Variants in TYR observed in about 807,000 individuals in gnomAD.
TYR encodes the protein LB24-AB.
A neutral mutation model predicts 51.5 loss-of-function variants in TYR; 58 were observed. The observed-to-expected ratio is 1.13, with a 90% confidence interval of 0.91 to 1.40. The LOEUF (loss-of-function observed/expected upper bound fraction) is 1.40. Among genes scored for constraint, TYR ranks in the 40% most tolerant of loss-of-function variants. TYR has a pLI of 0.00. For missense variants in TYR, 732 were observed against 647.4 expected, an observed-to-expected ratio of 1.13 and a Z score of -1.42; for synonymous variants, 263 against 235.2, an observed-to-expected ratio of 1.12 and a Z score of -1.08.
intron 2 of TYR, among the ~76,000 whole-genome samples, chr11:89,194,183 A>G (rs1943485585): frequency 6.6e-6 from 1 of 152,130 alleles, no homozygotes; most frequent in African/African-American, 2.4e-5. Flanking sequence ...AACCTTGTAC[A>G]TATGTGTCTT....
intron 3 of TYR, among the ~76,000 whole-genome samples, chr11:89,253,390 A>G (rs768419744): frequency 6.6e-6 from 1 of 151,642 alleles, no homozygotes; most frequent in Non-Finnish European, 1.5e-5. Context: ...AAGTATTGGT[A>G]TCTAGGTAAT....
intron 4 of TYR, among the ~76,000 whole-genome samples, chr11:89,285,214 A>G (rs551089235): frequency 6.6e-6 from 1 of 151,868 alleles, no homozygotes; most frequent in East Asian, 2.0e-4. Flanking sequence ...AGAAGAAGAA[A>G]AAAAAAGGTT....
chr11:89,250,434 C>G (rs1223391841), intron 3 of TYR, among the ~76,000 whole-genome samples: 1 of 151,856 alleles, frequency 6.6e-6, no homozygotes, highest in African/African-American at 2.4e-5. Flanking sequence ...TTGATTCTGT[C>G]ATTATATCAA....
At chr11:89,205,878 C>A (rs984344889) in intron 2 of TYR, among the ~76,000 whole-genome samples, 5 of 152,024 alleles carry the variant, frequency 3.3e-5, no homozygotes, top group African/African-American at 1.2e-4. Flanking sequence ...TTATGTCATT[C>A]ATCTAAATGA....
intron 3 of TYR, among the ~76,000 whole-genome samples, chr11:89,239,363 C>T (rs759361163): frequency 6.6e-6 from 1 of 151,928 alleles, no homozygotes; most frequent in Admixed American, 6.6e-5. Context: ...ATTCGTTGTT[C>T]TTAGTAGTCT....
intron 2 of TYR, among the ~76,000 whole-genome samples, chr11:89,218,275 A>G (rs554401967): frequency 2.0e-5 from 3 of 152,344 alleles, no homozygotes; most frequent in Admixed American, 2.0e-4. Context: ...CATGTTTTAG[A>G]AAGAGAAATA....
chr11:89,211,953 T>C (rs536672377), intron 2 of TYR, among the ~76,000 whole-genome samples: 9 of 152,318 alleles, frequency 5.9e-5, no homozygotes, highest in Admixed American at 2.6e-4. Context: ...AAGCAGCGTG[T>C]CGGGAGAAAT....
intron 3 of TYR, among the ~76,000 whole-genome samples, chr11:89,230,997 C>T (rs1263875445): frequency 1.3e-5 from 2 of 150,906 alleles, no homozygotes; most frequent in Non-Finnish European, 2.9e-5. Flanking sequence ...ATGGGGATAC[C>T]CCTTCTCTAC....
chr11:89,248,003 A>G (rs1944287408), intron 3 of TYR, among the ~76,000 whole-genome samples: 1 of 152,200 alleles, frequency 6.6e-6, no homozygotes, highest in Admixed American at 6.5e-5. Context: ...AAGATCATAG[A>G]TTTTAGCATC....
intron 3 of TYR, among the ~76,000 whole-genome samples, chr11:89,257,618 C>T (rs11828655): frequency 0.058 from 8,762 of 152,076 alleles, 330 homozygotes; most frequent in East Asian, 0.12. Flanking sequence ...TGTATACACA[C>T]AGACAGACAC....
At chr11:89,205,611 C>A (rs1351261293) in intron 2 of TYR, among the ~76,000 whole-genome samples, 1 of 151,942 alleles carries the variant, frequency 6.6e-6, no homozygotes, top group Non-Finnish European at 1.5e-5. Context: ...AAAAAATGAA[C>A]TGTTAACCCA....
intron 2 of TYR, among the ~76,000 whole-genome samples, chr11:89,210,365 T>A (rs1565398941): frequency 2.6e-5 from 4 of 151,294 alleles, no homozygotes; most frequent in Non-Finnish European, 1.5e-5. Flanking sequence ...GAAGAAAGGA[T>A]TGAAGATCAA....
chr11:89,190,320 G>T (rs1343862700), intron 1 of TYR, among the ~76,000 whole-genome samples: 2 of 152,092 alleles, frequency 1.3e-5, no homozygotes, highest in Admixed American at 1.3e-4. Context: ...AGATTTTCCA[G>T]TGGGACAAGA....
At chr11:89,191,597 C>T (rs963758606) in intron 2 of TYR, among the ~76,000 whole-genome samples, 179 bp downstream of exon 2, 3 of 152,006 alleles carry the variant, frequency 2.0e-5, no homozygotes, top group Non-Finnish European at 2.9e-5. Flanking sequence ...TATAATTCAA[C>T]GTGTTAGCTT....
chr11:89,264,182 G>A, intron 3 of TYR, among the ~76,000 whole-genome samples: 1 of 151,926 alleles, frequency 6.6e-6, no homozygotes, highest in East Asian at 1.9e-4. Context: ...TCCAGAGGTG[G>A]AAATGCAGAA....
chr11:89,208,411 T>C (rs1025861107), intron 2 of TYR, among the ~76,000 whole-genome samples: 2 of 151,952 alleles, frequency 1.3e-5, no homozygotes, highest in African/African-American at 4.9e-5. Flanking sequence ...CTTTTATTTA[T>C]TGACCTTTCT....
intron 3 of TYR, among the ~76,000 whole-genome samples, chr11:89,267,268 C>T (rs1352187567): frequency 6.6e-6 from 1 of 151,932 alleles, no homozygotes; most frequent in Non-Finnish European, 1.5e-5. Context: ...ACTTATTTAA[C>T]TGTTATTACC....
In TYR at chr11:89,178,382, T is replaced by C. The variant is rs774705121; in HGVS notation, c.429T>C (p.His143=). Residue 143 remains histidine, a synonymous_variant, in exon 1 of 5, where the codon CAT becomes CAC. Transcript: ENST00000263321. ...TTGCCTACCTCACTTTAGCAAAGCA[T>C]ACCATCAGCTCAGACTATGTCATCC... is the stretch of plus-strand genomic sequence containing the variant. ...KFFAYLTLAK[H]TISSDYVIPI... The C allele has an allele frequency of 6.2e-7, 1 of 1,614,182 alleles. No individual in the cohort carries two copies. Among genetic ancestry groups the C allele is most frequent in the Non-Finnish European group, 8.5e-7 (1 of 1,180,034 alleles).
At chr11:89,246,518 T>C (rs1229950203) in intron 3 of TYR, among the ~76,000 whole-genome samples, 1 of 152,204 alleles carries the variant, frequency 6.6e-6, no homozygotes, top group Non-Finnish European at 1.5e-5. Flanking sequence ...ATCACCTCAC[T>C]GATTCTCCCT....
Sources: allele counts gnomAD v4.1 joint callset (sites outside exome capture counted in the v4.1 genomes callset), GRCh38; gene constraint gnomAD v4.1.1; transcripts MANE v1.5; gene names NCBI Gene and HGNC (gene_info 2026-07-23, HGNC 2026-07-21).